Variants in HSD17B6 observed in about 807,000 individuals in gnomAD.
The protein encoded by HSD17B6 is hydroxysteroid 17-beta dehydrogenase 6, also known as 17-beta-hydroxysteroid dehydrogenase type 6.
Under a neutral mutation model 26.4 loss-of-function variants are expected in HSD17B6, and 16 were observed. The ratio of observed to expected loss-of-function variants is 0.61; its 90% CI spans 0.41 to 0.92. The LOEUF is 0.92. HSD17B6 is among the 40% of genes least tolerant of loss of function. The pLI is 0.00. For synonymous variants in HSD17B6, 139 were observed against 153.0 expected (o/e 0.91, Z 0.68); for missense variants, 357 against 386.1 (o/e 0.92, Z 0.63).
chr12:56,782,617 C>A (rs577624907), intron 3 of HSD17B6, among the ~76,000 whole-genome samples: 1 of 152,028 alleles, frequency 6.6e-6, no homozygotes, highest in Non-Finnish European at 1.5e-5. Context: ...CCTCAACTTC[C>A]CTGGTAGCTG....
At chr12:56,775,457 C>T (rs1304273474) in intron 2 of HSD17B6, among the ~76,000 whole-genome samples, 1 of 152,066 alleles carries the variant, frequency 6.6e-6, no homozygotes, top group Non-Finnish European at 1.5e-5. Flanking sequence ...TCTTAAGAAT[C>T]TGATTATCTT....
At chr12:56,767,792 ATATAT>A in intron 1 of HSD17B6, among the ~76,000 whole-genome samples, 1 of 145,844 alleles carries the variant, frequency 6.9e-6, no homozygotes, top group South Asian at 2.1e-4. Flanking sequence ...TGTATATATA[ATATAT>A]ATGTGTGTAT....
chr12:56,781,304 A>T (rs533291717), intron 2 of HSD17B6, among the ~76,000 whole-genome samples: 39 of 151,690 alleles, frequency 2.6e-4, no homozygotes, highest in South Asian at 1.2e-3. Flanking sequence ...TATTTGTGCC[A>T]TAGTCTGTAT....
chr12:56,772,025 C>T (rs1373260178), intron 1 of HSD17B6, among the ~76,000 whole-genome samples: 1 of 151,990 alleles, frequency 6.6e-6, no homozygotes, highest in East Asian at 1.9e-4. Context: ...TGAGACCTCC[C>T]CAGCCATGTG....
chr12:56,782,710 G>T (rs756853426), intron 3 of HSD17B6, among the ~76,000 whole-genome samples: 9 of 151,252 alleles, frequency 6.0e-5, no homozygotes, highest in Non-Finnish European at 8.8e-5. Context: ...TTCTCGCAGA[G>T]GGGGATTTGG....
At chr12:56,777,860 T>TA (rs1396314283) in intron 2 of HSD17B6, among the ~76,000 whole-genome samples, 1 of 152,126 alleles carries the variant, frequency 6.6e-6, no homozygotes, top group East Asian at 1.9e-4. Flanking sequence ...CATCTCAATT[T>TA]AAAAAAATAA....
chr12:56,782,920 T>G (rs928966237), intron 3 of HSD17B6, among the ~76,000 whole-genome samples: 8 of 152,040 alleles, frequency 5.3e-5, no homozygotes, highest in African/African-American at 1.7e-4. Context: ...TAACCCTGAG[T>G]GGACACAGCA....
At chr12:56,778,676 T>TTTA (rs1954644507) in intron 2 of HSD17B6, among the ~76,000 whole-genome samples, 1 of 123,342 alleles carries the variant, frequency 8.1e-6, no homozygotes, top group Admixed American at 7.3e-5. Context: ...GTCTTTTTCT[T>TTTA]TTTTTTTTTT....
intron 2 of HSD17B6, among the ~76,000 whole-genome samples, chr12:56,776,472 T>TA (rs1206580766): frequency 2.0e-5 from 3 of 151,346 alleles, no homozygotes; most frequent in Non-Finnish European, 4.4e-5. Flanking sequence ...CCTGGCTAAT[T>TA]AAAAATTTTT....
rs767598356 is a variant in HSD17B6 at position 56,784,850 on chromosome 12, C to G, written c.573-3C>G. ...AATCATAACTTGTGGGGTTTTATTT[C>G]AGGCGTGAGATTCAACATTTTGGGG... On this transcript the variant is annotated splice_polypyrimidine_tract_variant and splice_region_variant and intron_variant, in intron 3 of 4. Transcript: ENST00000322165. The G allele has an allele frequency of 1.6e-5, 26 of 1,611,590 alleles. No homozygotes were observed. Among genetic ancestry groups the G allele is most frequent in the Non-Finnish European group, 2.1e-5 (25 of 1,179,414 alleles).
rs754269768 is a variant in HSD17B6 at position 56,784,872 on chromosome 12, G to A, written c.592G>A (p.Gly198Arg). 4 of 1,613,782 alleles carry A rather than the reference G, an allele frequency of 2.5e-6. No individual in the cohort carries two copies. The South Asian group carries it at 4.4e-5, about 18-fold the overall frequency. Residue 198 changes from glycine (G) to arginine (R), a missense_variant, in exon 4 of 5, where the codon GGG becomes AGG. Gly to Arg is a moderately radical substitution (Grantham distance 125, BLOSUM62 -2). Transcript: ENST00000322165. ...DILRREIQHF[G>R]VKISIVEPGY... is the part of the protein sequence containing the mutation. ...TTTCAGGCGTGAGATTCAACATTTT[G>A]GGGTGAAAATCAGCATAGTTGAACC...
chr12:56,784,242 A>G (rs1954821027), intron 3 of HSD17B6, among the ~76,000 whole-genome samples: 1 of 138,442 alleles, frequency 7.2e-6, no homozygotes, highest in Non-Finnish European at 1.6e-5. Context: ...ATGGGTGGCC[A>G]GGCAGAGACG....
chr12:56,776,998 C>G (rs1555232629), intron 2 of HSD17B6, among the ~76,000 whole-genome samples: 1 of 152,178 alleles, frequency 6.6e-6, no homozygotes, highest in Non-Finnish European at 1.5e-5. Flanking sequence ...ACCTTCTTCT[C>G]CTTCTCCCTT....
intron 1 of HSD17B6, among the ~76,000 whole-genome samples, chr12:56,772,629 G>C (rs12227117): frequency 7.1e-4 from 107 of 150,912 alleles, no homozygotes; most frequent in African/African-American, 2.5e-3. Context: ...CCCAGGAGGC[G>C]GAGGTTGCAG....
chr12:56,767,338 C>T (rs1180126347), intron 1 of HSD17B6, among the ~76,000 whole-genome samples: 1 of 151,066 alleles, frequency 6.6e-6, no homozygotes, highest in Non-Finnish European at 1.5e-5. Context: ...CGGTGAAACT[C>T]TGTCTCCACT....
At chr12:56,771,399 C>T (rs1191025211) in intron 1 of HSD17B6, among the ~76,000 whole-genome samples, 1 of 150,724 alleles carries the variant, frequency 6.6e-6, no homozygotes, top group Non-Finnish European at 1.5e-5. Context: ...ATATATGTGA[C>T]ATCTTAGAAC....
chr12:56,783,125 T>A (rs1444667776), intron 3 of HSD17B6, among the ~76,000 whole-genome samples: 804 of 146,502 alleles, frequency 5.5e-3, no homozygotes, highest in African/African-American at 0.021. Flanking sequence ...ACCGCCATCG[T>A]CATCATGGCC....
At chr12:56,774,402 TA>T (rs1954548090) in intron 2 of HSD17B6, among the ~76,000 whole-genome samples, 2 of 152,286 alleles carry the variant, frequency 1.3e-5, no homozygotes, top group South Asian at 4.1e-4. Context: ...AAATACTTTG[TA>T]AATGATATGT....
chr12:56,787,163 A>G lies in HSD17B6; in HGVS notation c.775A>G (p.Thr259Ala). The G allele has an allele frequency of 5.6e-6, 9 of 1,614,194 alleles. No homozygotes were observed. Among genetic ancestry groups the G allele is most frequent in the Non-Finnish European group, 7.6e-6 (9 of 1,180,016 alleles). ...GAAGGAAGGGCTGTTGAATTGTAGCACAAACCTGAACCTGGTCACTGACTG... is the reference window on the plus strand; with the variant it reads ...GAAGGAAGGGCTGTTGAATTGTAGCGCAAACCTGAACCTGGTCACTGACTG... ...IMKEGLLNCS[T>A]NLNLVTDCME... is the part of the protein sequence containing the mutation. The change falls in exon 5 of 5, where the codon ACA (threonine) becomes GCA (alanine). Residue 259 changes from threonine to alanine, a missense_variant. Thr to Ala is a moderately conservative substitution (Grantham distance 58). Transcript: ENST00000322165.
Sources: allele counts gnomAD v4.1 joint callset (sites outside exome capture counted in the v4.1 genomes callset), GRCh38; gene constraint gnomAD v4.1.1; transcripts MANE v1.5; gene names NCBI Gene and HGNC (gene_info 2026-07-23, HGNC 2026-07-21).